The following RBFOX1 variants were observed in gnomAD, a reference collection of about 807,000 sequenced individuals.
RBFOX1 encodes RNA binding fox-1 homolog 1, also known as RNA binding protein fox-1 homolog 1.
RBFOX1 carries 8 observed loss-of-function variants against 57.7 expected under a neutral mutation model. The observed-to-expected ratio is 0.14, with a 90% CI of 0.08 to 0.25. The LOEUF (loss-of-function observed/expected upper bound fraction) is 0.25. RBFOX1 is among the 10% of genes least tolerant of loss of function. The pLI is 1.00. For missense variants in RBFOX1, 611 were observed against 548.5 expected (o/e 1.11, Z -1.14); for synonymous variants, 326 against 222.4 (o/e 1.47, Z -4.15).
intron 14 of RBFOX1, among the ~76,000 whole-genome samples, chr16:7,696,263 G>C (rs756258669): frequency 6.6e-6 from 1 of 152,152 alleles, no homozygotes; most frequent in South Asian, 2.1e-4. Flanking sequence ...GGTATCACTT[G>C]GGACTAGGCT....
At chr16:6,276,934 G>T (rs1455770505) in intron 1 of RBFOX1, among the ~76,000 whole-genome samples, 1 of 151,972 alleles carries the variant, frequency 6.6e-6, no homozygotes, top group Non-Finnish European at 1.5e-5. Flanking sequence ...CTTGCCACAG[G>T]ACAAGTGGTC....
intron 4 of RBFOX1, among the ~76,000 whole-genome samples, chr16:7,312,543 G>T (rs1354967341): frequency 6.6e-6 from 1 of 152,172 alleles, no homozygotes; most frequent in Non-Finnish European, 1.5e-5. Context: ...AGGGACTTGG[G>T]TGTCACTCCG....
chr16:7,145,216 TG>T (rs2074701202), intron 4 of RBFOX1, among the ~76,000 whole-genome samples: 1 of 152,150 alleles, frequency 6.6e-6, no homozygotes, highest in Non-Finnish European at 1.5e-5. Context: ...TTTTGTTTTT[TG>T]TTTTTGAGAT....
intron 4 of RBFOX1, among the ~76,000 whole-genome samples, chr16:7,180,121 A>G (rs2082413619): frequency 6.6e-6 from 1 of 152,196 alleles, no homozygotes; most frequent in Non-Finnish European, 1.5e-5. Flanking sequence ...CCTGATATCC[A>G]TGGTGAATAG....
intron 1 of RBFOX1, among the ~76,000 whole-genome samples, chr16:5,461,823 T>C (rs556166632): frequency 2.6e-5 from 4 of 152,310 alleles, no homozygotes; most frequent in South Asian, 2.1e-4. Flanking sequence ...TCATTAATTG[T>C]CTTTCTGAGA....
chr16:6,861,346 G>A (rs1004335711), intron 3 of RBFOX1, among the ~76,000 whole-genome samples: 2 of 152,104 alleles, frequency 1.3e-5, no homozygotes, highest in Non-Finnish European at 2.9e-5. Flanking sequence ...GGGCAGATGA[G>A]TAAAGAGATG....
intron 3 of RBFOX1, among the ~76,000 whole-genome samples, chr16:6,666,069 T>G (rs544568121): frequency 6.6e-6 from 1 of 152,318 alleles, no homozygotes; most frequent in East Asian, 1.9e-4. Flanking sequence ...TGTTTTTCAT[T>G]CTTTCTCTGC....
chr16:6,582,967 A>G (rs146207133), intron 2 of RBFOX1, among the ~76,000 whole-genome samples: 212 of 150,376 alleles, frequency 1.4e-3, no homozygotes, highest in African/African-American at 5.0e-3. Context: ...CCTTGAATCT[A>G]TTAATTCTGG....
At chr16:5,257,620 G>T (rs1320722782) in intron 1 of RBFOX1, among the ~76,000 whole-genome samples, 1 of 152,140 alleles carries the variant, frequency 6.6e-6, no homozygotes, top group African/African-American at 2.4e-5. Context: ...TTCTGGAGGC[G>T]CATTTACTAG....
At chr16:6,500,892 T>TGTTTG (rs752870662) in intron 2 of RBFOX1, among the ~76,000 whole-genome samples, 34 of 25,798 alleles carry the variant, frequency 1.3e-3, no homozygotes, top group Admixed American at 5.1e-3. Context: ...TTTTTTTTTT[T>TGTTTG]TTTTTTTTTA....
At chr16:7,692,850 C>T (rs577434241) in intron 14 of RBFOX1, among the ~76,000 whole-genome samples, 2 of 151,918 alleles carry the variant, frequency 1.3e-5, no homozygotes, top group South Asian at 2.1e-4. Context: ...AACACATCAC[C>T]ATATAAAATT....
intron 1 of RBFOX1, among the ~76,000 whole-genome samples, chr16:6,129,366 A>G (rs2096613031): frequency 6.6e-6 from 1 of 152,210 alleles, no homozygotes; most frequent in Non-Finnish European, 1.5e-5. Context: ...AAGGAAATGT[A>G]AAATATTTGA....
At chr16:6,120,767 C>T (rs1009309518) in intron 1 of RBFOX1, among the ~76,000 whole-genome samples, 1 of 152,048 alleles carries the variant, frequency 6.6e-6, no homozygotes, top group African/African-American at 2.4e-5. Flanking sequence ...CAGATCTGTC[C>T]CTGCGTTTCT....
chr16:6,429,153 G>A (rs1246739696), intron 2 of RBFOX1, among the ~76,000 whole-genome samples: 1 of 152,232 alleles, frequency 6.6e-6, no homozygotes, highest in Non-Finnish European at 1.5e-5. Flanking sequence ...TGCATTGCCA[G>A]CTGTGATTGG....
chr16:7,429,138 A>C (rs563954857), intron 4 of RBFOX1, among the ~76,000 whole-genome samples: 65 of 152,274 alleles, frequency 4.3e-4, no homozygotes, highest in African/African-American at 1.5e-3. Context: ...CTTTTCTGAC[A>C]TCTCCTGATG....
intron 4 of RBFOX1, among the ~76,000 whole-genome samples, chr16:7,339,752 G>C (rs989967189): frequency 6.6e-6 from 1 of 152,134 alleles, no homozygotes; most frequent in African/African-American, 2.4e-5. Flanking sequence ...AAAGATATTT[G>C]TTAAGAATTC....
intron 3 of RBFOX1, among the ~76,000 whole-genome samples, chr16:6,891,652 A>G (rs1402145610): frequency 6.6e-6 from 1 of 152,178 alleles, no homozygotes; most frequent in Non-Finnish European, 1.5e-5. Flanking sequence ...AATCTCTGCA[A>G]GTTTCAACAA....
At chr16:5,892,083 G>A (rs1384275183) in intron 4 of RBFOX1, among the ~76,000 whole-genome samples, 1 of 152,316 alleles carries the variant, frequency 6.6e-6, no homozygotes, top group African/African-American at 2.4e-5. Context: ...GCACAATAGT[G>A]TTCTGTCCTT....
At chr16:5,536,529 C>T (rs1314604676) in intron 2 of RBFOX1, among the ~76,000 whole-genome samples, 1 of 152,094 alleles carries the variant, frequency 6.6e-6, no homozygotes, top group South Asian at 2.1e-4. Flanking sequence ...AGCCAGCGCT[C>T]CTGGCCCTGT....
Sources: allele counts gnomAD v4.1 joint callset (sites outside exome capture counted in the v4.1 genomes callset), GRCh38; gene constraint gnomAD v4.1.1; transcripts MANE v1.5; gene names NCBI Gene and HGNC (gene_info 2026-07-23, HGNC 2026-07-21).